The following MIA2 variants were observed in gnomAD, a reference collection of about 807,000 sequenced individuals.
MIA2 encodes the protein MIA SH3 domain ER export factor 2.
MIA2 carries 127 observed loss-of-function variants against 167.8 expected under a neutral mutation model. That is an observed-to-expected ratio of 0.76 (90% CI 0.66 to 0.88). The LOEUF is 0.88. Among genes scored for constraint, MIA2 ranks in the 40% least tolerant of loss-of-function variants. The probability of loss-of-function intolerance (pLI) is 0.00; values close to 1 mark genes in which losing one functional copy is unlikely to be tolerated. For missense variants in MIA2, 1,690 were observed against 1,624.7 expected (o/e 1.04, Z -0.69); for synonymous variants, 552 against 541.9 (o/e 1.02, Z -0.26).
chr14:39,331,241 G>C (rs1037234370), intron 25 of MIA2, among the ~76,000 whole-genome samples: 31 of 152,066 alleles, frequency 2.0e-4, no homozygotes, highest in African/African-American at 6.7e-4. Context: ...GATCTTTGTT[G>C]GTTTCAAGTC....
rs1566678659 is a variant in MIA2, at chr14:39,277,046, T to C, written c.2000T>C (p.Leu667Ser). The change falls in exon 7 of 29, where the codon TTG becomes TCG. Residue 667 changes from leucine to serine, a missense_variant. By Grantham distance (145) the Leu-to-Ser change is moderately radical. Coordinates refer to ENST00000640607, the MANE Select transcript of MIA2 (RefSeq NM_001329214.4). ...VVGFFAVLFF[L>S]WRSFRSVRSR... ...GGATTTTTTGCTGTTCTCTTTTTTT[T>C]GTGGAGAAGTTTTAGATCGGTAAGT... 1 of 1,613,736 alleles carries C rather than the reference T, an allele frequency of 6.2e-7. No individual in the cohort carries two copies. Among genetic ancestry groups the C allele is most frequent in the Admixed American group, 1.7e-5 (1 of 59,948 alleles).
intron 9 of MIA2, among the ~76,000 whole-genome samples, chr14:39,280,924 T>C (rs2058825233): frequency 1.4e-5 from 1 of 72,156 alleles, no homozygotes; most frequent in South Asian, 4.0e-4. Flanking sequence ...TTTTTTTTTT[T>C]TTTTTTTTTT....
chr14:39,311,466 CTTTTTTTTTTTTTT>C (rs35478238), intron 18 of MIA2, among the ~76,000 whole-genome samples: 3 of 43,322 alleles, frequency 6.9e-5, no homozygotes, highest in Admixed American at 3.4e-4. Flanking sequence ...TGATGTGTTG[CTTTTTTTTTTTTTT>C]TTTTTTTTTT....
chr14:39,258,923 G>A (rs2054943220), intron 6 of MIA2, among the ~76,000 whole-genome samples: 1 of 152,240 alleles, frequency 6.6e-6, no homozygotes, highest in South Asian at 2.1e-4. Flanking sequence ...CTGCACAACA[G>A]CAAAGACTGC....
downstream of MIA2, among the ~76,000 whole-genome samples, chr14:39,354,990 A>G (rs374434150): frequency 2.4e-4 from 36 of 152,254 alleles, no homozygotes; most frequent in East Asian, 5.2e-3. Context: ...GAAGTCAGGT[A>G]GCGTGATGCC....
chr14:39,245,293 T>A (rs2054246500), intron 3 of MIA2, among the ~76,000 whole-genome samples: 1 of 152,258 alleles, frequency 6.6e-6, no homozygotes, highest in East Asian at 1.9e-4. Flanking sequence ...AGGTGTCCAA[T>A]CTTTTGGTTT....
chr14:39,257,226 C>T (rs1269976272), intron 6 of MIA2, among the ~76,000 whole-genome samples: 3 of 152,112 alleles, frequency 2.0e-5, no homozygotes, highest in Non-Finnish European at 4.4e-5. Context: ...GTCTAAGTCT[C>T]GTTGTAGGTC....
intron 6 of MIA2, among the ~76,000 whole-genome samples, chr14:39,270,946 C>T (rs28806217): frequency 1.1e-4 from 17 of 152,084 alleles, no homozygotes; most frequent in Non-Finnish European, 2.2e-4. Context: ...TCCTTTGAAG[C>T]GTAAGCGTTC....
chr14:39,385,361 C>T (rs913757232), intron 23 of MIA2: 2 of 948,222 alleles, frequency 2.1e-6, no homozygotes, highest in Non-Finnish European at 1.7e-6. Context: ...CTTGCACAAA[C>T]AAGACATTCA....
intron 6 of MIA2, among the ~76,000 whole-genome samples, chr14:39,271,221 GT>G (rs1008839244): frequency 6.6e-6 from 1 of 152,000 alleles, no homozygotes; most frequent in East Asian, 1.9e-4. Flanking sequence ...TGAAAGAACT[GT>G]TTTTTTCTCA....
At position 39,246,931 on chromosome 14, in the gene MIA2, T is replaced by C; in HGVS notation, c.357T>C (p.Leu119=). ...TTTAGGAATCTGACTTTCTTTGTCT[T>C]CTTGGAGTAAGTTACACATTTGACA... ...MSTKESDFLC[L]LGVSYTFDNE... is the part of the protein sequence containing the mutation. Residue 119 remains leucine (L), a synonymous_variant, in exon 4 of 29, where the codon CTT becomes CTC. Coordinates refer to ENST00000640607, the MANE Select transcript of MIA2 (RefSeq NM_001329214.4). 6.6e-7 allele frequency: 1 copy of C among 1,514,630 alleles called. No individual in the cohort carries two copies. The highest frequency in any genetic ancestry group is 8.8e-7 in the Non-Finnish European group (1 of 1,135,896). 93.8% of individuals were successfully genotyped at this position (1,514,630 alleles called of 1,614,324 possible). A position where few individuals can be genotyped will look rare whatever the true frequency, so the allele number is the denominator to read the frequency against.
chr14:39,335,191 G>A (rs553778158), intron 25 of MIA2, among the ~76,000 whole-genome samples: 75 of 152,168 alleles, frequency 4.9e-4, no homozygotes, highest in African/African-American at 1.7e-3. Context: ...CTCATGAAGA[G>A]TCCTTCTCAC....
At chr14:39,250,461 C>T (rs569060340) in intron 4 of MIA2, among the ~76,000 whole-genome samples, 6 of 151,734 alleles carry the variant, frequency 4.0e-5, no homozygotes, top group African/African-American at 9.7e-5. Context: ...GTTGAGAGGC[C>T]GAGGCAGGCA....
At chr14:39,274,674 C>T (rs535111192) in intron 6 of MIA2, among the ~76,000 whole-genome samples, 1 of 151,406 alleles carries the variant, frequency 6.6e-6, no homozygotes, top group Non-Finnish European at 1.5e-5. Context: ...GATCTGCCCA[C>T]CTTGGCCTCC....
At chr14:39,244,377 G>T (rs994587882) in intron 3 of MIA2, among the ~76,000 whole-genome samples, 1 of 152,134 alleles carries the variant, frequency 6.6e-6, no homozygotes, top group Non-Finnish European at 1.5e-5. Context: ...GTATTTCTGA[G>T]CCCCAACATC....
intron 14 of MIA2, among the ~76,000 whole-genome samples, chr14:39,301,344 C>T (rs1381253707): frequency 3.3e-5 from 5 of 151,988 alleles, no homozygotes; most frequent in African/African-American, 4.8e-5. Context: ...GGATTACAGG[C>T]GTGAGCCACC....
At chr14:39,357,181 G>A (rs564504838) in intron 23 of MIA2, among the ~76,000 whole-genome samples, 125 of 152,250 alleles carry the variant, frequency 8.2e-4, no homozygotes, top group African/African-American at 2.9e-3. Context: ...TATTTTGTGG[G>A]AGTCTTAGTC....
intron 6 of MIA2, chr14:39,265,315 G>T: frequency 9.0e-7 from 1 of 1,114,824 alleles, no homozygotes; most frequent in South Asian, 1.3e-5. Context: ...ATTAGAATCT[G>T]AAATCTTTCT....
intron 4 of MIA2, among the ~76,000 whole-genome samples, chr14:39,250,846 A>G (rs1415023083): frequency 6.6e-6 from 1 of 151,730 alleles, no homozygotes; most frequent in Admixed American, 6.6e-5. Flanking sequence ...AACTTTTATG[A>G]AAATATTCAG....
Sources: allele counts gnomAD v4.1 joint callset (sites outside exome capture counted in the v4.1 genomes callset), GRCh38; gene constraint gnomAD v4.1.1; transcripts MANE v1.5; gene names NCBI Gene and HGNC (gene_info 2026-07-23, HGNC 2026-07-21).